The following SCUBE1 variants were observed in gnomAD, a reference collection of about 807,000 sequenced individuals.
SCUBE1 encodes signal peptide, CUB domain and EGF like domain containing 1.
SCUBE1 carries 59 observed loss-of-function variants against 124.4 expected under a neutral mutation model. That is an observed-to-expected ratio of 0.47 (90% confidence interval 0.38 to 0.59). The LOEUF (loss-of-function observed/expected upper bound fraction) is 0.59, where lower values mean the gene tolerates loss of function less well. SCUBE1 is among the 20% of genes least tolerant of loss of function. SCUBE1 has a pLI of 0.00. For synonymous variants in SCUBE1, 545 were observed against 550.9 expected, an observed-to-expected ratio of 0.99 and a Z score of 0.15; for missense variants, 1,150 against 1,371.2, an observed-to-expected ratio of 0.84 and a Z score of 2.55.
intron 15 of SCUBE1, among the ~76,000 whole-genome samples, chr22:43,217,536 A>C (rs77820319): frequency 0.012 from 1,834 of 152,178 alleles, 39 homozygotes; most frequent in African/African-American, 0.041. Flanking sequence ...CCTTCCCGTA[A>C]GAGCGCGCAT....
At chr22:43,267,722 C>A (rs1055696333) in intron 4 of SCUBE1, among the ~76,000 whole-genome samples, 5 of 152,196 alleles carry the variant, frequency 3.3e-5, no homozygotes. Context: ...CCCACTGGAG[C>A]ACCTGCGGTA....
intron 4 of SCUBE1, among the ~76,000 whole-genome samples, chr22:43,263,886 G>A (rs1213025655): frequency 4.6e-5 from 7 of 152,186 alleles, no homozygotes; most frequent in Admixed American, 3.9e-4. Context: ...CACGGAAAGC[G>A]CTTTCATGCT....
chr22:43,202,663 C>G lies in SCUBE1; in HGVS notation c.*1334G>C, dbSNP rs1312465014. ...AAGAAGGCGCTTGCTTCCCCTTCAC[C>G]CTCCGCCATGATTGTAAGTTTCCTG... On this transcript the variant is annotated 3_prime_UTR_variant, in exon 22 of 22. Coordinates refer to ENST00000360835, the MANE Select transcript of SCUBE1 (RefSeq NM_173050.5). 1 of 152,294 alleles carries G rather than the reference C, an allele frequency of 6.6e-6. No homozygotes were observed. Among genetic ancestry groups the G allele is most frequent in the Non-Finnish European group, 1.5e-5 (1 of 68,146 alleles). 9.4% of individuals were successfully genotyped at this position (152,294 alleles called of 1,614,324 possible).
intron 3 of SCUBE1, among the ~76,000 whole-genome samples, chr22:43,313,907 C>T (rs1926253738): frequency 1.3e-5 from 2 of 152,236 alleles, no homozygotes; most frequent in Admixed American, 1.3e-4. Flanking sequence ...TTCAAACTGG[C>T]CTGTTTATTT....
intron 21 of SCUBE1, among the ~76,000 whole-genome samples, chr22:43,206,136 C>T (rs115098174): frequency 3.5e-4 from 48 of 139,120 alleles, no homozygotes; most frequent in African/African-American, 1.1e-3. Flanking sequence ...CTACACACAC[C>T]GCCTCCATTC....
At chr22:43,327,509 C>T (rs993411026) in intron 2 of SCUBE1, among the ~76,000 whole-genome samples, 5 of 152,088 alleles carry the variant, frequency 3.3e-5, no homozygotes, top group East Asian at 3.9e-4. Flanking sequence ...ACATTGGACT[C>T]GGCAGGGTAG....
At chr22:43,319,289 G>T (rs1004005493) in intron 3 of SCUBE1, among the ~76,000 whole-genome samples, 1 of 152,084 alleles carries the variant, frequency 6.6e-6, no homozygotes, top group Admixed American at 6.6e-5. Context: ...GTGGCTGGCC[G>T]GGCAAGGTGG....
intron 2 of SCUBE1, among the ~76,000 whole-genome samples, chr22:43,327,978 T>A (rs1267127848): frequency 6.6e-6 from 1 of 152,210 alleles, no homozygotes; most frequent in Non-Finnish European, 1.5e-5. Flanking sequence ...CTTCTTCTCC[T>A]CTGGGCTGGT....
chr22:43,328,387 C>T (rs1410959849), intron 2 of SCUBE1, among the ~76,000 whole-genome samples: 1 of 152,156 alleles, frequency 6.6e-6, no homozygotes, highest in African/African-American at 2.4e-5. Flanking sequence ...GGCAGTCATT[C>T]CCCCATCCCC....
intron 20 of SCUBE1, 50 bp downstream of exon 20, chr22:43,208,021 AG>A (rs758250715): frequency 1.2e-4 from 185 of 1,602,620 alleles, no homozygotes; most frequent in Non-Finnish European, 1.5e-4. Context: ...CTGTGTCTCC[AG>A]GGCCCCGCCT....
intron 4 of SCUBE1, among the ~76,000 whole-genome samples, chr22:43,284,819 C>T (rs2146744259): frequency 6.6e-6 from 1 of 152,204 alleles, no homozygotes; most frequent in South Asian, 2.1e-4. Context: ...GGACTGATTC[C>T]TGATGCCAAG....
chr22:43,254,088 T>C (rs1249286985), intron 6 of SCUBE1, among the ~76,000 whole-genome samples: 3 of 152,318 alleles, frequency 2.0e-5, no homozygotes, highest in Non-Finnish European at 2.9e-5. Flanking sequence ...CTCCAGCTCT[T>C]CCCAGGCCAA....
At chr22:43,286,159 G>A (rs75117724) in intron 4 of SCUBE1, among the ~76,000 whole-genome samples, 2,773 of 152,324 alleles carry the variant, frequency 0.018, 95 homozygotes, top group African/African-American at 0.064. Flanking sequence ...ATAAGAGCCC[G>A]TGTTTATTGA....
rs534970471 is a variant in SCUBE1, at chr22:43,255,301, C to T, written c.727+2918G>A. ...TGGAGTGGAGCCCCCCGCACTCACA[C>T]GACACGCAGGACTGCACACACGTGG... On this transcript the variant is annotated intron_variant, in intron 6 of 21. Coordinates refer to ENST00000360835, the MANE Select transcript of SCUBE1 (RefSeq NM_173050.5). This position sits in a 1 kb window ranked among gnomAD's most constrained non-coding sequence, Gnocchi z 4.7. 5.3e-5 allele frequency among the ~76,000 whole-genome samples: 8 copies of T among 152,288 alleles called. No individual in the cohort carries two copies. Among genetic ancestry groups the T allele is most frequent in the Admixed American group, 2.6e-4 (4 of 15,300 alleles).
rs976421440 is a variant in SCUBE1, at chr22:43,255,460, G to A, written c.727+2759C>T. 1.2e-5 allele frequency: 18 copies of A among 1,539,976 alleles called. No homozygotes were observed. Among genetic ancestry groups the A allele is most frequent in the African/African-American group, 6.9e-5 (5 of 72,744 alleles). On this transcript the variant is annotated intron_variant, in intron 6 of 21. Coordinates refer to ENST00000360835, the MANE Select transcript of SCUBE1 (RefSeq NM_173050.5). The surrounding 1 kb of genome is among the most constrained non-coding windows in gnomAD (Gnocchi z 4.7). ...CACACACACACACAAGTGCAAGTACGACAAAGGAAGTGGAAGAAAAGTGTT... is the reference window on the plus strand; with the variant it reads ...CACACACACACACAAGTGCAAGTACAACAAAGGAAGTGGAAGAAAAGTGTT...
At position 43,202,657 on chromosome 22, in the gene SCUBE1, C is replaced by T. The variant is rs985567451; in HGVS notation, c.*1340G>A. 2.0e-5 allele frequency: 3 copies of T among 152,346 alleles called. No individual in the cohort carries two copies. The highest frequency in any genetic ancestry group is 4.4e-5 in the Non-Finnish European group (3 of 68,154). 9.4% of individuals were successfully genotyped at this position (152,346 alleles called of 1,614,324 possible). On this transcript the variant is annotated 3_prime_UTR_variant, in exon 22 of 22. Transcript: ENST00000360835. Reference sequence around the variant, plus strand: ...CTTGTGAAGAAGGCGCTTGCTTCCCCTTCACCCTCCGCCATGATTGTAAGT... The same window carrying T: ...CTTGTGAAGAAGGCGCTTGCTTCCCTTTCACCCTCCGCCATGATTGTAAGT...
chr22:43,207,124 A>T (rs1280756788), intron 21 of SCUBE1, among the ~76,000 whole-genome samples: 1 of 152,112 alleles, frequency 6.6e-6, no homozygotes, highest in East Asian at 1.9e-4. Context: ...TCCAGGCTGG[A>T]AGCAGGAAGA....
chr22:43,234,161 C>T lies in SCUBE1; in HGVS notation c.845-2286G>A, dbSNP rs1484696307. 6.6e-6 allele frequency among the ~76,000 whole-genome samples: 1 copy of T among 151,988 alleles called. No individual in the cohort carries two copies. The highest frequency in any genetic ancestry group is 2.4e-5 in the African/African-American group (1 of 41,376). ...TCTATCATTCCTTCCCCCCGAGCCC[C>T]GGGATTATAGGCAGATGGGGAATTT... On this transcript the variant is annotated intron_variant, in intron 7 of 21. Coordinates refer to ENST00000360835, the MANE Select transcript of SCUBE1 (RefSeq NM_173050.5). The surrounding 1 kb of genome is among the most constrained non-coding windows in gnomAD (Gnocchi z 4.4).
At chr22:43,204,875 C>A (rs571403989) in intron 21 of SCUBE1, among the ~76,000 whole-genome samples, 1 of 147,532 alleles carries the variant, frequency 6.8e-6, no homozygotes, top group Non-Finnish European at 1.5e-5. Flanking sequence ...AACCGGGAGG[C>A]GGAGGTTGCA....
Sources: gnomAD v4.1 joint callset for allele counts (sites outside exome capture counted in the v4.1 genomes callset) on GRCh38, gnomAD v4.1.1 for gene constraint, Gnocchi (gnomAD v3.1) non-coding constraint, MANE v1.5 for transcripts, NCBI Gene and HGNC (gene_info 2026-07-23, HGNC 2026-07-21) for gene names.